Variants in GALNT17 observed in about 807,000 individuals in gnomAD.
GALNT17 encodes polypeptide N-acetylgalactosaminyltransferase 17, also known as UDP-GalNAc:polypeptide N-acetylgalactosaminyltransferase-like 3.
A neutral mutation model predicts 63.7 loss-of-function variants in GALNT17; 29 were observed. The ratio of observed to expected loss-of-function variants is 0.46; its 90% CI spans 0.34 to 0.62. The LOEUF is 0.62. GALNT17 is among the 20% of genes least tolerant of loss of function. The pLI is 0.01. For synonymous variants in GALNT17, 305 were observed against 318.3 expected, an observed-to-expected ratio of 0.96 and a Z score of 0.45; for missense variants, 603 against 799.6, an observed-to-expected ratio of 0.75 and a Z score of 2.97.
Position 71,522,893 on chromosome 7 carries a change from C to T in GALNT17, c.963-48392C>T, listed in dbSNP as rs114651017. 3.4e-3 allele frequency among the ~76,000 whole-genome samples: 525 copies of T among 152,220 alleles called. 3 individuals are homozygous for T. The highest frequency in any genetic ancestry group is 0.012 in the African/African-American group (488 of 41,526). Reference sequence around the variant, plus strand: ...CTTCCTGAACCACAGCAGAAGCATCCCCTGGGAACTTCTTAGAAATGCAGA... The same window carrying T: ...CTTCCTGAACCACAGCAGAAGCATCTCCTGGGAACTTCTTAGAAATGCAGA... On this transcript the variant is annotated intron_variant, in intron 5 of 10. Coordinates refer to ENST00000333538, the MANE Select transcript of GALNT17 (RefSeq NM_022479.3).
chr7:71,647,117 T>G (rs1021259428), intron 6 of GALNT17, among the ~76,000 whole-genome samples: 1 of 151,814 alleles, frequency 6.6e-6, no homozygotes, highest in Admixed American at 6.6e-5. Context: ...CAGGCTGGAG[T>G]GCAGTGGTGC....
At chr7:71,143,057 T>A (rs1232821560) in intron 1 of GALNT17, among the ~76,000 whole-genome samples, 3 of 151,978 alleles carry the variant, frequency 2.0e-5, no homozygotes, top group Non-Finnish European at 4.4e-5. Flanking sequence ...ACTTAGAAAT[T>A]TTCATGCATG....
chr7:71,501,607 A>C (rs1299776271), intron 5 of GALNT17, among the ~76,000 whole-genome samples: 1 of 151,686 alleles, frequency 6.6e-6, no homozygotes, highest in Non-Finnish European at 1.5e-5. Flanking sequence ...CAGGATCTCA[A>C]CCCTAGATGG....
At chr7:71,525,869 G>T (rs11769677) in intron 5 of GALNT17, among the ~76,000 whole-genome samples, 29,797 of 149,698 alleles carry the variant, frequency 0.2, 2,991 homozygotes, top group Middle Eastern at 0.33. Context: ...CTTCCTGACT[G>T]CTTGGGACTA....
At chr7:71,201,151 C>A (rs1003860090) in intron 1 of GALNT17, among the ~76,000 whole-genome samples, 1 of 150,390 alleles carries the variant, frequency 6.6e-6, no homozygotes, top group Non-Finnish European at 1.5e-5. Flanking sequence ...CAGTAATTGG[C>A]TTATTAAAGG....
chr7:71,433,923 A>G (rs2116496010), intron 5 of GALNT17, among the ~76,000 whole-genome samples: 1 of 145,664 alleles, frequency 6.9e-6, no homozygotes, highest in Middle Eastern at 3.5e-3. Context: ...CCATCTAATC[A>G]GCTGCCAGCG....
intron 3 of GALNT17, among the ~76,000 whole-genome samples, chr7:71,411,080 A>C (rs1793421050): frequency 6.6e-6 from 1 of 152,124 alleles, no homozygotes; most frequent in Non-Finnish European, 1.5e-5. Context: ...GAATGGTTTC[A>C]TCTGTTAAGG....
chr7:71,286,395 A>G (rs1188330959), intron 1 of GALNT17, among the ~76,000 whole-genome samples: 2 of 152,210 alleles, frequency 1.3e-5, no homozygotes, highest in Non-Finnish European at 2.9e-5. Flanking sequence ...CCCAAATGAT[A>G]ATTACATTTC....
At chr7:71,471,130 T>A (rs765685550) in intron 5 of GALNT17, among the ~76,000 whole-genome samples, 1 of 151,806 alleles carries the variant, frequency 6.6e-6, no homozygotes, top group Admixed American at 6.6e-5. Flanking sequence ...CAGGCTGGAG[T>A]GCAGCAATGT....
intron 5 of GALNT17, among the ~76,000 whole-genome samples, chr7:71,476,174 C>A: frequency 6.6e-6 from 1 of 152,096 alleles, no homozygotes; most frequent in East Asian, 1.9e-4. Flanking sequence ...TTGGGAACAC[C>A]CAGGAGTTCA....
At chr7:71,312,203 G>C (rs1262828104) in intron 1 of GALNT17, among the ~76,000 whole-genome samples, 1 of 152,204 alleles carries the variant, frequency 6.6e-6, no homozygotes, top group Non-Finnish European at 1.5e-5. Flanking sequence ...GGTTAGCCCT[G>C]CTCTGCAAGG....
In GALNT17 at chr7:71,450,943, T is replaced by A. The variant is rs894137665; in HGVS notation, c.962+29838T>A. Among the ~76,000 whole-genome samples the A allele has an allele frequency of 6.4e-3, 889 of 138,068 alleles. 9 individuals carry two copies. Among genetic ancestry groups the A allele is most frequent in the African/African-American group, 0.023 (851 of 37,084 alleles). 90.6% of individuals were successfully genotyped at this position (138,068 alleles called of 152,430 possible). ...TCTTTTTTTTATTCTTTTTTTTTTT[T>A]ATTATACTCTAAGTTCTAGGGTACA... On this transcript the variant is annotated intron_variant, in intron 5 of 10. Transcript: ENST00000333538.
At chr7:71,485,674 C>T (rs2116656282) in intron 5 of GALNT17, among the ~76,000 whole-genome samples, 1 of 152,276 alleles carries the variant, frequency 6.6e-6, no homozygotes, top group Middle Eastern at 3.4e-3. Context: ...TCTTATTCTA[C>T]ACAGTTAAGG....
chr7:71,701,906 T>TAC (rs1296640178), intron 9 of GALNT17, among the ~76,000 whole-genome samples: 9,462 of 128,186 alleles, frequency 0.074, 592 homozygotes, highest in South Asian at 0.12. Flanking sequence ...CACATATATA[T>TAC]ATATACATAT....
intron 1 of GALNT17, among the ~76,000 whole-genome samples, chr7:71,263,547 A>T (rs1482478206): frequency 6.6e-6 from 1 of 152,166 alleles, no homozygotes; most frequent in Non-Finnish European, 1.5e-5. Context: ...TTACCTTTAG[A>T]GCCTCCTTGG....
chr7:71,375,483 C>T (rs1792704516), intron 2 of GALNT17, among the ~76,000 whole-genome samples: 1 of 152,104 alleles, frequency 6.6e-6, no homozygotes. Flanking sequence ...GGTGCAGTCA[C>T]ACCTCACTGC....
Position 71,596,656 on chromosome 7 carries a change from T to C in GALNT17, c.1080+25254T>C, listed in dbSNP as rs370534531. ...CTCTGTGCAATGGAAGATGTGGTCA[T>C]GTGCTGCAAGAAAAAGGCAGAAGCA... On this transcript the variant is annotated intron_variant, in intron 6 of 10. Coordinates refer to ENST00000333538, the MANE Select transcript of GALNT17 (RefSeq NM_022479.3). Among the ~76,000 whole-genome samples the C allele has an allele frequency of 4.3e-4, 65 of 152,160 alleles. No individual in the cohort carries two copies. The South Asian group carries it at 9.5e-3, about 22-fold the overall frequency.
chr7:71,404,300 T>C (rs537528783), intron 3 of GALNT17, among the ~76,000 whole-genome samples: 2 of 152,290 alleles, frequency 1.3e-5, no homozygotes, highest in Admixed American at 1.3e-4. Flanking sequence ...TTTAACACTT[T>C]GGTATTTTGC....
chr7:71,138,328 A>AG (rs1201905138), intron 1 of GALNT17, among the ~76,000 whole-genome samples: 1 of 151,736 alleles, frequency 6.6e-6, no homozygotes, highest in Non-Finnish European at 1.5e-5. Flanking sequence ...CTCAAAAGAA[A>AG]AAAAAATCAT....
Sources: allele counts gnomAD v4.1 joint callset (sites outside exome capture counted in the v4.1 genomes callset), GRCh38; gene constraint gnomAD v4.1.1; transcripts MANE v1.5; gene names NCBI Gene and HGNC (gene_info 2026-07-23, HGNC 2026-07-21).